The following ROBO2 variants were observed in gnomAD, a reference collection of about 807,000 sequenced individuals.
ROBO2 encodes roundabout homolog 2.
In ROBO2, 53 loss-of-function variants were observed where a neutral mutation model predicts 160.8. The observed-to-expected ratio is 0.33, with a 90% CI of 0.26 to 0.41. The LOEUF is 0.41. ROBO2 is among the 10% of genes least tolerant of loss of function. ROBO2 has a pLI of 1.00. For missense variants in ROBO2, 1,577 were observed against 1,722.4 expected (o/e 0.92, Z 1.49); for synonymous variants, 664 against 611.7 (o/e 1.09, Z -1.26).
intron 2 of ROBO2, among the ~76,000 whole-genome samples, chr3:76,124,116 CAG>C (rs10559677): frequency 0.79 from 119,955 of 151,808 alleles, 49,832 homozygotes; most frequent in Non-Finnish European, 0.94. Context: ...ATAAGAGAAT[CAG>C]AGTGCTTAAA....
chr3:75,943,174 A>C (rs183080194), intron 2 of ROBO2, among the ~76,000 whole-genome samples: 87 of 152,314 alleles, frequency 5.7e-4, no homozygotes, highest in Admixed American at 2.4e-3. Context: ...TTGATAATTT[A>C]GACTTTTTTG....
At chr3:76,248,792 T>C (rs1705798386) in intron 2 of ROBO2, among the ~76,000 whole-genome samples, 1 of 152,118 alleles carries the variant, frequency 6.6e-6, no homozygotes, top group African/African-American at 2.4e-5. Flanking sequence ...ATTTGTTTAC[T>C]TCCCTCTCTA....
intron 2 of ROBO2, among the ~76,000 whole-genome samples, chr3:77,235,477 G>A (rs892064569): frequency 6.6e-6 from 1 of 151,614 alleles, no homozygotes; most frequent in African/African-American, 2.4e-5. Flanking sequence ...ATATTTTAAT[G>A]ATGTCAACAG....
At chr3:76,452,073 A>C (rs1018819028) in intron 2 of ROBO2, among the ~76,000 whole-genome samples, 2 of 152,134 alleles carry the variant, frequency 1.3e-5, no homozygotes, top group African/African-American at 4.8e-5. Flanking sequence ...TGTCTTTCTA[A>C]ATATTCCTTC....
chr3:76,406,328 T>A (rs2108796226), intron 2 of ROBO2, among the ~76,000 whole-genome samples: 1 of 152,026 alleles, frequency 6.6e-6, no homozygotes, highest in African/African-American at 2.4e-5. Flanking sequence ...ACAGGAATGC[T>A]CTCTATGATG....
chr3:77,525,310 T>G (rs2153630196), intron 6 of ROBO2, among the ~76,000 whole-genome samples: 1 of 150,828 alleles, frequency 6.6e-6, no homozygotes, highest in African/African-American at 2.4e-5. Context: ...GTGATGTTTC[T>G]GCTAAAATTT....
intron 2 of ROBO2, among the ~76,000 whole-genome samples, chr3:76,648,555 T>C (rs967363129): frequency 6.6e-6 from 1 of 152,108 alleles, no homozygotes; most frequent in African/African-American, 2.4e-5. Flanking sequence ...ATTCTGAGTA[T>C]GATAACTGTA....
intron 2 of ROBO2, among the ~76,000 whole-genome samples, chr3:76,426,162 C>G (rs921054419): frequency 6.6e-6 from 1 of 152,066 alleles, no homozygotes; most frequent in African/African-American, 2.4e-5. Flanking sequence ...GTTTGGAAAA[C>G]TCTGTGTTAA....
intron 1 of ROBO2, among the ~76,000 whole-genome samples, chr3:75,910,436 C>T (rs1483385495): frequency 6.6e-6 from 1 of 152,086 alleles, no homozygotes; most frequent in African/African-American, 2.4e-5. Flanking sequence ...TTAAAAGTAC[C>T]ATGTTCATGT....
In ROBO2 at chr3:77,326,433, C is replaced by T. The variant is rs368738891; in HGVS notation, c.389-150981C>T. On this transcript the variant is annotated intron_variant, in intron 2 of 25. Coordinates refer to ENST00000461745, the Ensembl canonical transcript of ROBO2. ...TAAACATAGTGATCTTCAAATATAG[C>T]CATTTCTAAGGAATGCATTTGCTTC... 7.2e-5 allele frequency among the ~76,000 whole-genome samples: 11 copies of T among 152,252 alleles called. No homozygotes were observed. The East Asian group carries it at 2.1e-3, about 29-fold the overall frequency.
intron 2 of ROBO2, among the ~76,000 whole-genome samples, chr3:77,467,263 A>G (rs1384325686): frequency 6.6e-6 from 1 of 152,178 alleles, no homozygotes; most frequent in African/African-American, 2.4e-5. Flanking sequence ...TTGAATTCAA[A>G]TTTTGTATAA....
At chr3:76,842,600 T>C (rs1433682441) in intron 2 of ROBO2, among the ~76,000 whole-genome samples, 2 of 152,200 alleles carry the variant, frequency 1.3e-5, no homozygotes, top group African/African-American at 4.8e-5. Context: ...ATGAGATTAG[T>C]TATTGCTTTT....
At chr3:77,519,338 A>G (rs534353971) in intron 5 of ROBO2, among the ~76,000 whole-genome samples, 3 of 151,476 alleles carry the variant, frequency 2.0e-5, no homozygotes, top group African/African-American at 7.2e-5. Flanking sequence ...TTTAAATAAA[A>G]ACTTTTAATT....
intron 2 of ROBO2, among the ~76,000 whole-genome samples, chr3:76,471,116 C>A (rs192564129): frequency 6.6e-6 from 1 of 152,172 alleles, no homozygotes. Flanking sequence ...GTTTTCTATT[C>A]CTGTTGCAAC....
intron 2 of ROBO2, among the ~76,000 whole-genome samples, chr3:76,358,008 A>C (rs1367793015): frequency 6.6e-6 from 1 of 151,764 alleles, no homozygotes; most frequent in African/African-American, 2.4e-5. Flanking sequence ...TTATTTGCTT[A>C]ATTTTCCTAG....
chr3:76,431,201 T>A (rs1156515255), intron 2 of ROBO2, among the ~76,000 whole-genome samples: 1 of 152,102 alleles, frequency 6.6e-6, no homozygotes, highest in East Asian at 1.9e-4. Context: ...TCTTTGGTTT[T>A]ATGAAAGCAT....
At chr3:77,244,952 C>CT (rs11449199) in intron 2 of ROBO2, among the ~76,000 whole-genome samples, 78,326 of 145,044 alleles carry the variant, frequency 0.54, 21,556 homozygotes, top group Non-Finnish European at 0.6. Context: ...AAATGAACAG[C>CT]TTTTTTTTTT....
chr3:77,436,437 T>C (rs559387468), intron 2 of ROBO2, among the ~76,000 whole-genome samples: 1 of 151,938 alleles, frequency 6.6e-6, no homozygotes, highest in African/African-American at 2.4e-5. Context: ...CTACCACAAA[T>C]TTCTTTTTTT....
At chr3:77,517,116 C>A (rs78370039) in intron 5 of ROBO2, among the ~76,000 whole-genome samples, 2 of 151,244 alleles carry the variant, frequency 1.3e-5, no homozygotes, top group African/African-American at 4.9e-5. Flanking sequence ...GAAAATAAAA[C>A]GTATTAAAAA....
Sources: allele counts gnomAD v4.1 joint callset (sites outside exome capture counted in the v4.1 genomes callset), GRCh38; gene constraint gnomAD v4.1.1; transcripts MANE v1.5; gene names NCBI Gene and HGNC (gene_info 2026-07-23, HGNC 2026-07-21).